Variants in VOPP1 observed in about 807,000 individuals in gnomAD.
The protein encoded by VOPP1 is WW domain binding protein VOPP1.
Under a neutral mutation model 23.5 loss-of-function variants are expected in VOPP1, and 8 were observed. The ratio of observed to expected loss-of-function variants is 0.34; its 90% CI spans 0.20 to 0.61. The LOEUF (loss-of-function observed/expected upper bound fraction) is 0.61, where lower values mean the gene tolerates loss of function less well. VOPP1 is among the 20% of genes least tolerant of loss of function. The pLI, the probability that VOPP1 is intolerant of heterozygous loss-of-function variation, is 0.78. For missense variants in VOPP1, 174 were observed against 238.1 expected, an observed-to-expected ratio of 0.73 and a Z score of 1.77; for synonymous variants, 83 against 97.3, an observed-to-expected ratio of 0.85 and a Z score of 0.86.
rs74690976 is a variant in VOPP1 at position 55,533,331 on chromosome 7, C to T, written c.55-12201G>A. Among the ~76,000 whole-genome samples the T allele has an allele frequency of 0.011, 1,642 of 152,280 alleles. 104 individuals are homozygous for T. In the East Asian group the frequency reaches 0.18, roughly 16 times the overall value. ...GTGCCCAAGGACAGCAGCAGAAATGCCCCTGCCTTCCCCACTCAGGAAGGG... is the reference window on the plus strand; with the variant it reads ...GTGCCCAAGGACAGCAGCAGAAATGTCCCTGCCTTCCCCACTCAGGAAGGG... On this transcript the variant is annotated intron_variant, in intron 1 of 4. Transcript: ENST00000285279.
At chr7:55,468,487 C>T (rs1054982585), downstream of VOPP1, among the ~76,000 whole-genome samples, 3 of 152,104 alleles carry the variant, frequency 2.0e-5, no homozygotes, top group Admixed American at 1.3e-4. Context: ...CCCTTCCCAG[C>T]GGAGGTGCAA....
Position 55,473,033 on chromosome 7 carries a change from G to A in VOPP1, c.341C>T (p.Pro114Leu), listed in dbSNP as rs369361131. Reference protein sequence around the residue: ...PPNPGPGAQQPGPPYYTDPGG... With the variant: ...PPNPGPGAQQLGPPYYTDPGG... ...TGGGTCGGTGTAATAGGGCGGCCCC[G>A]GCTGCTGGGCTCCTGAAAGACAGAC... Residue 114 changes from proline to leucine, a missense_variant, in exon 5 of 5, where the codon CCG (proline) becomes CTG (leucine). Physicochemically the swap from Pro to Leu is moderately conservative, Grantham distance 98. Coordinates refer to ENST00000285279, the MANE Select transcript of VOPP1 (RefSeq NM_030796.5). 3.8e-5 allele frequency: 60 copies of A among 1,597,520 alleles called. No individual in the cohort carries two copies. Among genetic ancestry groups the A allele is most frequent in the African/African-American group, 9.4e-5 (7 of 74,266 alleles).
chr7:55,570,042 G>A (rs969257389), intron 1 of VOPP1, among the ~76,000 whole-genome samples: 1 of 152,150 alleles, frequency 6.6e-6, no homozygotes, highest in Non-Finnish European at 1.5e-5. Context: ...TCAGAAGCCA[G>A]AAGCCACCAA....
At position 55,518,995 on chromosome 7, in the gene VOPP1, C is replaced by T. The variant is rs183250231; in HGVS notation, c.113+2077G>A. ...AGGGGAGAAACAGAAAGACCAGAGG[C>T]AGAACAGAGAAGACTAGTGGGTGGG... On this transcript the variant is annotated intron_variant, in intron 2 of 4. Transcript: ENST00000285279. Among the ~76,000 whole-genome samples the T allele has an allele frequency of 2.0e-5, 3 of 152,266 alleles. No homozygotes were observed. The East Asian group carries it at 5.8e-4, about 29-fold the overall frequency.
At chr7:55,476,441 C>CGGGGGGGGGGGGGGGGGGGGGGG (rs1481944079) in intron 4 of VOPP1, among the ~76,000 whole-genome samples, 2 of 83,198 alleles carry the variant, frequency 2.4e-5, no homozygotes, top group Non-Finnish European at 4.6e-5. Flanking sequence ...GGGGGGTGGG[C>CGGGGGGGGGGGGGGGGGGGGGGG]GGGGGGGCTG....
chr7:55,537,468 C>T, intron 1 of VOPP1: 1 of 1,536,068 alleles, frequency 6.5e-7, no homozygotes, highest in South Asian at 1.2e-5. Flanking sequence ...GGCCAGGCTT[C>T]ACAGCAAACT....
In VOPP1 at chr7:55,445,167, T is replaced by A. The variant is rs139938788; in HGVS notation, n.418-8993A>T. ...ATTTTGTCATATCTGCTTTAGCACG[T>A]GTGCTCTTTCTTTTGCTCTCTCTCT... On this transcript the variant is annotated intron_variant and non_coding_transcript_variant, in intron 4 of 4. Coordinates refer to the VOPP1 transcript ENST00000462326. 6.7e-3 allele frequency among the ~76,000 whole-genome samples: 1,025 copies of A among 152,062 alleles called. 17 individuals are homozygous for A. The highest frequency in any genetic ancestry group is 0.024 in the African/African-American group (974 of 41,412).
chr7:55,449,612 C>G (rs1425250941), intron 4 of VOPP1, among the ~76,000 whole-genome samples: 1 of 152,224 alleles, frequency 6.6e-6, no homozygotes, highest in African/African-American at 2.4e-5. Flanking sequence ...GAAGGTTGGA[C>G]GAAAAGCTGC....
chr7:55,513,469 G>A (rs1795214174), intron 2 of VOPP1, among the ~76,000 whole-genome samples: 1 of 152,118 alleles, frequency 6.6e-6, no homozygotes, highest in Non-Finnish European at 1.5e-5. Context: ...TGACTTCCGA[G>A]AAGCTTCCCC....
chr7:55,474,439 G>C (rs182793069), intron 4 of VOPP1, among the ~76,000 whole-genome samples: 2 of 152,220 alleles, frequency 1.3e-5, no homozygotes, highest in African/African-American at 4.8e-5. Flanking sequence ...CTGAATATTA[G>C]AGAAAAAATG....
chr7:55,512,297 G>C (rs779690831), intron 2 of VOPP1, among the ~76,000 whole-genome samples: 2 of 152,036 alleles, frequency 1.3e-5, no homozygotes, highest in Non-Finnish European at 1.5e-5. Flanking sequence ...GTCGTGGCAC[G>C]TGCCTGTAAT....
chr7:55,463,071 TGTA>T (rs1791545463), intron 4 of VOPP1, among the ~76,000 whole-genome samples: 1 of 152,216 alleles, frequency 6.6e-6, no homozygotes, highest in African/African-American at 2.4e-5. Flanking sequence ...TTTATTCCAT[TGTA>T]GTCTGAAAAG....
In VOPP1 at chr7:55,492,167, A is replaced by G. The variant is rs6964031; in HGVS notation, c.328+115T>C. On this transcript the variant is annotated intron_variant, in intron 4 of 4. Coordinates refer to ENST00000285279, the MANE Select transcript of VOPP1 (RefSeq NM_030796.5). Reference sequence around the variant, plus strand: ...CTGGTCATCAGAACTAAAAAAATGAATAACACACCTGAGCGCTCTCTTCTG... The same window carrying G: ...CTGGTCATCAGAACTAAAAAAATGAGTAACACACCTGAGCGCTCTCTTCTG... 4.4e-3 allele frequency: 6,043 copies of G among 1,382,496 alleles called. 222 individuals are homozygous for G. The African/African-American group carries it at 0.078, about 18-fold the overall frequency. The allele number at this position is 1,382,496 out of a possible 1,614,324, so 85.6% of individuals were successfully genotyped here. A position where few individuals can be genotyped will look rare whatever the true frequency, so the allele number is the denominator to read the frequency against.
At chr7:55,460,391 A>T (rs1791469435) in intron 4 of VOPP1, among the ~76,000 whole-genome samples, 1 of 152,204 alleles carries the variant, frequency 6.6e-6, no homozygotes, top group African/African-American at 2.4e-5. Context: ...ATTTGATCTA[A>T]AGTCCAGCTT....
intron 2 of VOPP1, among the ~76,000 whole-genome samples, chr7:55,500,379 G>T (rs1794283691): frequency 6.6e-6 from 1 of 152,220 alleles, no homozygotes; most frequent in African/African-American, 2.4e-5. Context: ...GTGGTCTGCA[G>T]GCACCAACAG....
At chr7:55,515,849 T>TAAGG (rs1269430793) in intron 2 of VOPP1, 1 of 477,246 alleles carries the variant, frequency 2.1e-6, no homozygotes, top group African/African-American at 2.1e-5. Context: ...AACGCCACCT[T>TAAGG]AGTCGGCAGC....
intron 1 of VOPP1, among the ~76,000 whole-genome samples, chr7:55,528,225 A>G (rs988133220): frequency 6.6e-6 from 1 of 152,214 alleles, no homozygotes; most frequent in Non-Finnish European, 1.5e-5. Flanking sequence ...ATAAAATAGT[A>G]CATCTAGAAT....
chr7:55,553,832 G>A (rs77566242), intron 1 of VOPP1: 1,678 of 152,808 alleles, frequency 0.011, 11 homozygotes, highest in Middle Eastern at 0.023. Context: ...GCCTAGCAAC[G>A]AGGCATCATT....
At chr7:55,568,893 T>C (rs1037625856) in intron 1 of VOPP1, among the ~76,000 whole-genome samples, 12 of 152,162 alleles carry the variant, frequency 7.9e-5, no homozygotes, top group Admixed American at 5.9e-4. Context: ...ACTCTTCCTG[T>C]AAGGATTGTT....
Sources: allele counts gnomAD v4.1 joint callset (sites outside exome capture counted in the v4.1 genomes callset), GRCh38; gene constraint gnomAD v4.1.1; transcripts MANE v1.5; gene names NCBI Gene and HGNC (gene_info 2026-07-23, HGNC 2026-07-21).